MYOCD: variants seen among roughly 807,000 people sequenced by gnomAD.
The protein encoded by MYOCD is myocardin.
Under a neutral mutation model 96.1 loss-of-function variants are expected in MYOCD, and 32 were observed. The observed-to-expected ratio is 0.33, with a 90% confidence interval of 0.25 to 0.45. The LOEUF is 0.45. MYOCD is among the 20% of genes least tolerant of loss of function. MYOCD has a pLI of 1.00. For missense variants in MYOCD, 1,133 were observed against 1,200.6 expected, an observed-to-expected ratio of 0.94 and a Z score of 0.83; for synonymous variants, 469 against 469.0, an observed-to-expected ratio of 1.00 and a Z score of 0.00.
intron 10 of MYOCD, among the ~76,000 whole-genome samples, chr17:12,754,271 T>A (rs564623436): frequency 2.6e-5 from 4 of 151,790 alleles, no homozygotes; most frequent in Non-Finnish European, 5.9e-5. Context: ...TGCCTGGCTA[T>A]TTTTGTATTT....
In MYOCD at chr17:12,693,863, A is replaced by G. The variant is rs528087312; in HGVS notation, c.56-11265A>G. Among the ~76,000 whole-genome samples, 7 of 152,194 alleles carry G rather than the reference A, an allele frequency of 4.6e-5. No homozygotes were observed. The South Asian group carries it at 1.5e-3, about 32-fold the overall frequency. On this transcript the variant is annotated intron_variant, in intron 1 of 13. Transcript: ENST00000425538. ...CAATTCTGATGACAATGGCCAAAAG[A>G]ATGCAAGAATAGAAAAAAATACTGC...
At position 12,703,428 on chromosome 17, in the gene MYOCD, AT is replaced by A. The variant is rs201284515; in HGVS notation, c.56-1697del. ...AGTTTTTGTGATTTTGAAACTGTCTATTTATTCCTTTAATTCTGTCCATTTT... is the reference window on the plus strand; with the variant it reads ...AGTTTTTGTGATTTTGAAACTGTCTATTATTCCTTTAATTCTGTCCATTTT... On this transcript the variant is annotated intron_variant, in intron 1 of 13. Transcript: ENST00000425538. 9.6e-3 allele frequency among the ~76,000 whole-genome samples: 1,460 copies of A among 151,958 alleles called. 14 individuals are homozygous for A. Among genetic ancestry groups the A allele is most frequent in the African/African-American group, 0.034 (1,394 of 41,490 alleles).
At chr17:12,711,835 G>C (rs550453872) in intron 2 of MYOCD, among the ~76,000 whole-genome samples, 3 of 152,210 alleles carry the variant, frequency 2.0e-5, no homozygotes, top group East Asian at 1.9e-4. Context: ...CACCCAGAAG[G>C]CTTGTTAAAA....
intron 1 of MYOCD, among the ~76,000 whole-genome samples, 200 bp downstream of exon 1, chr17:12,666,443 C>T (rs924957332): frequency 6.6e-6 from 1 of 151,894 alleles, no homozygotes; most frequent in African/African-American, 2.4e-5. Flanking sequence ...TTTGGGTGGT[C>T]GAGTGTGGTT....
intron 1 of MYOCD, among the ~76,000 whole-genome samples, chr17:12,692,537 C>A (rs1451876194): frequency 6.6e-6 from 1 of 152,194 alleles, no homozygotes. Flanking sequence ...TTGGCAGACT[C>A]AAAGTTAAAT....
chr17:12,744,118 C>G (rs965169160), intron 7 of MYOCD, 65 bp from the exon 8 acceptor site: 195 of 1,566,478 alleles, frequency 1.2e-4, no homozygotes, highest in Non-Finnish European at 1.7e-4. Context: ...CACAACGTGT[C>G]CATGATGCAA....
chr17:12,722,808 C>T lies in MYOCD; in HGVS notation c.254-39C>T, dbSNP rs541578709. ...ACAAAAAAGAGAGAGACAGAGACAT[C>T]AAATTCTAGAACTGATCCTTTTCAT... On this transcript the variant is annotated intron_variant, in intron 4 of 13. Coordinates refer to ENST00000425538, the MANE Select transcript of MYOCD (RefSeq NM_001146312.3). 30 of 1,549,586 alleles carry T rather than the reference C, an allele frequency of 1.9e-5. No homozygotes were observed. The South Asian group carries it at 3.1e-4, about 16-fold the overall frequency.
chr17:12,751,570 C>T (rs2032853678), intron 9 of MYOCD, among the ~76,000 whole-genome samples: 1 of 152,072 alleles, frequency 6.6e-6, no homozygotes, highest in Non-Finnish European at 1.5e-5. Flanking sequence ...ATTAGTAAAA[C>T]TTTATATTGC....
chr17:12,743,991 A>G (rs757552209), intron 7 of MYOCD, among the ~76,000 whole-genome samples, 192 bp from the exon 8 acceptor site: 1 of 152,214 alleles, frequency 6.6e-6, no homozygotes, highest in Non-Finnish European at 1.5e-5. Context: ...CCAGTGTGAT[A>G]CATTTGCAAT....
intron 1 of MYOCD, among the ~76,000 whole-genome samples, chr17:12,701,267 C>T (rs1030827238): frequency 6.6e-6 from 1 of 152,020 alleles, no homozygotes; most frequent in Non-Finnish European, 1.5e-5. Flanking sequence ...CAAAAATTAG[C>T]CTGGCATGGT....
rs373772317 is a variant in MYOCD at position 12,752,811 on chromosome 17, C to T, written c.1523C>T (p.Ser508Phe). 2 of 1,613,908 alleles carry T rather than the reference C, an allele frequency of 1.2e-6. No homozygotes were observed. The highest frequency in any genetic ancestry group is 1.3e-5 in the African/African-American group (1 of 74,890). Reference sequence around the variant, plus strand: ...AGCCTGAATGGGGGCTCTGTTCCTTCTGAGCTGGATGGGCTGGACTCCGAG... The same window carrying T: ...AGCCTGAATGGGGGCTCTGTTCCTTTTGAGCTGGATGGGCTGGACTCCGAG... ...MSSLNGGSVPSELDGLDSEKD... is the reference protein window; with the variant it reads ...MSSLNGGSVPFELDGLDSEKD... Residue 508 changes from serine (S) to phenylalanine (F), a missense_variant, in exon 10 of 14, where the codon TCT (serine) becomes TTT (phenylalanine). Coordinates refer to ENST00000425538, the MANE Select transcript of MYOCD (RefSeq NM_001146312.3).
At chr17:12,723,453 A>G (rs553529620) in intron 5 of MYOCD, among the ~76,000 whole-genome samples, 12 of 152,278 alleles carry the variant, frequency 7.9e-5, no homozygotes, top group African/African-American at 2.9e-4. Context: ...AGGTGACAGT[A>G]CTCACCCTAC....
chr17:12,762,290 A>G (rs1407841770), intron 13 of MYOCD: 1 of 152,322 alleles, frequency 6.6e-6, no homozygotes, highest in African/African-American at 2.4e-5. Flanking sequence ...CAGTGATAAC[A>G]TAGTAGAGTC....
chr17:12,749,809 C>A lies in MYOCD; in HGVS notation c.1126-2605C>A, dbSNP rs528521704. ...TATTTCCTCAGGCTAGAATAAAATT[C>A]CTGAATTAAATATATTAATATTGTT... On this transcript the variant is annotated intron_variant, in intron 9 of 13. Transcript: ENST00000425538. Among the ~76,000 whole-genome samples the A allele has an allele frequency of 2.6e-5, 4 of 151,008 alleles. No homozygotes were observed. In the East Asian group the frequency reaches 7.8e-4, roughly 29 times the overall value.
intron 7 of MYOCD, among the ~76,000 whole-genome samples, chr17:12,741,641 G>A (rs1051977994): frequency 4.0e-5 from 6 of 151,864 alleles, no homozygotes; most frequent in Non-Finnish European, 7.4e-5. Flanking sequence ...CCCAGGAGGG[G>A]GTGGTGGCAG....
intron 9 of MYOCD, among the ~76,000 whole-genome samples, chr17:12,747,658 A>G (rs1054948558): frequency 2.0e-5 from 3 of 152,180 alleles, no homozygotes; most frequent in African/African-American, 4.8e-5. Context: ...TGCAACCACA[A>G]TTGAGGAAAG....
At chr17:12,711,801 G>T (rs1475116328) in intron 2 of MYOCD, among the ~76,000 whole-genome samples, 2 of 152,130 alleles carry the variant, frequency 1.3e-5, no homozygotes, top group South Asian at 2.1e-4. Flanking sequence ...CATCACAGCG[G>T]TTCTGAAGCT....
At chr17:12,700,392 T>C (rs2031006085) in intron 1 of MYOCD, among the ~76,000 whole-genome samples, 1 of 142,846 alleles carries the variant, frequency 7.0e-6, no homozygotes, top group Non-Finnish European at 1.5e-5. Context: ...ACTCTAGCAA[T>C]GGGAGAATTT....
chr17:12,713,475 C>A (rs1378534352), intron 2 of MYOCD, among the ~76,000 whole-genome samples: 2 of 152,220 alleles, frequency 1.3e-5, no homozygotes, highest in African/African-American at 4.8e-5. Context: ...CTAATCCTTT[C>A]AGGGAGTTTC....
Sources: allele counts gnomAD v4.1 joint callset (sites outside exome capture counted in the v4.1 genomes callset), GRCh38; gene constraint gnomAD v4.1.1; transcripts MANE v1.5; gene names NCBI Gene and HGNC (gene_info 2026-07-23, HGNC 2026-07-21).